Variants in TBC1D2B observed in about 807,000 individuals in gnomAD.
TBC1D2B encodes the protein TBC1 domain family, member 2B.
A neutral mutation model predicts 100.8 loss-of-function variants in TBC1D2B; 64 were observed. The observed-to-expected ratio is 0.64, with a 90% CI of 0.52 to 0.78. The LOEUF is 0.78. TBC1D2B is among the 30% of genes least tolerant of loss of function. TBC1D2B has a pLI of 0.00. For missense variants in TBC1D2B, 1,052 were observed against 1,218.4 expected (o/e 0.86, Z 2.03); for synonymous variants, 480 against 479.7 (o/e 1.00, Z -0.01).
chr15:78,041,968 G>C (rs191999291), intron 3 of TBC1D2B, among the ~76,000 whole-genome samples: 1 of 152,300 alleles, frequency 6.6e-6, no homozygotes, highest in African/African-American at 2.4e-5. Context: ...GAGAAACGGA[G>C]GCACAGAATA....
chr15:78,038,899 T>C (rs765026871), intron 3 of TBC1D2B, among the ~76,000 whole-genome samples: 4 of 152,054 alleles, frequency 2.6e-5, no homozygotes, highest in Non-Finnish European at 5.9e-5. Context: ...CCTGGGAGCA[T>C]GTGAATGGAT....
At chr15:78,029,458 T>C (rs1030553441) in intron 4 of TBC1D2B, among the ~76,000 whole-genome samples, 4 of 152,242 alleles carry the variant, frequency 2.6e-5, no homozygotes, top group African/African-American at 7.2e-5. Flanking sequence ...TAAGGATTTA[T>C]TGTAACTATA....
At chr15:78,031,572 A>AAAAAAAAG (rs1177166209) in intron 3 of TBC1D2B, among the ~76,000 whole-genome samples, 1 of 150,350 alleles carries the variant, frequency 6.7e-6, no homozygotes, top group Non-Finnish European at 1.5e-5. Context: ...AAAAAAAAAA[A>AAAAAAAAG]AAAGAGAGAG....
At chr15:78,062,739 C>A (rs2073574155) in intron 1 of TBC1D2B, among the ~76,000 whole-genome samples, 1 of 152,140 alleles carries the variant, frequency 6.6e-6, no homozygotes, top group South Asian at 2.1e-4. Context: ...ATAGACTCTT[C>A]CATAATATAT....
intron 6 of TBC1D2B, among the ~76,000 whole-genome samples, chr15:78,021,677 G>A (rs1218570445): frequency 6.6e-6 from 1 of 152,212 alleles, no homozygotes; most frequent in Non-Finnish European, 1.5e-5. Flanking sequence ...TTCATCGTCT[G>A]TCGCCACATC....
chr15:78,026,151 G>GTTT (rs34676496), intron 4 of TBC1D2B, among the ~76,000 whole-genome samples: 1 of 145,528 alleles, frequency 6.9e-6, no homozygotes, highest in Non-Finnish European at 1.5e-5. Context: ...GGTTTTTGTT[G>GTTT]TTTTTTTTTT....
chr15:78,028,042 C>T (rs1037057298), intron 4 of TBC1D2B, among the ~76,000 whole-genome samples: 3 of 152,232 alleles, frequency 2.0e-5, no homozygotes, highest in Non-Finnish European at 4.4e-5. Context: ...TAAGTGCTTA[C>T]TCTCGCAATA....
intron 3 of TBC1D2B, among the ~76,000 whole-genome samples, chr15:78,037,216 C>A (rs547421318): frequency 3.7e-4 from 56 of 152,254 alleles, no homozygotes; most frequent in African/African-American, 1.1e-3. Context: ...TCTATCCTCA[C>A]CCCCTTAGCA....
At chr15:78,003,719 A>C in intron 10 of TBC1D2B, 2 of 481,956 alleles carry the variant, frequency 4.1e-6, no homozygotes, top group Non-Finnish European at 7.5e-6. Flanking sequence ...CATGCTTTCC[A>C]CAGGGCATGG....
chr15:78,069,337 CA>C (rs1162898717), intron 1 of TBC1D2B, among the ~76,000 whole-genome samples: 2 of 152,178 alleles, frequency 1.3e-5, no homozygotes, highest in Non-Finnish European at 2.9e-5. Context: ...ACACACCTGC[CA>C]AAGCGAGCTT....
chr15:78,020,638 C>T (rs570444579), intron 6 of TBC1D2B, among the ~76,000 whole-genome samples: 1 of 152,320 alleles, frequency 6.6e-6, no homozygotes, highest in East Asian at 1.9e-4. Context: ...TGAATCCAAC[C>T]TGGGCTGGCT....
chr15:78,037,599 C>T (rs185082152), intron 3 of TBC1D2B, among the ~76,000 whole-genome samples: 5 of 151,764 alleles, frequency 3.3e-5, no homozygotes, highest in Admixed American at 3.3e-4. Context: ...ATCCTCAGCC[C>T]CATCCCATAG....
chr15:78,020,591 C>T (rs931589604), intron 6 of TBC1D2B, among the ~76,000 whole-genome samples: 2 of 152,208 alleles, frequency 1.3e-5, no homozygotes, highest in African/African-American at 4.8e-5. Context: ...ATGAATTCAC[C>T]TGGCCAAGTC....
At chr15:78,005,651 T>C (rs1337706564) in intron 10 of TBC1D2B, among the ~76,000 whole-genome samples, 1 of 152,210 alleles carries the variant, frequency 6.6e-6, no homozygotes, top group Non-Finnish European at 1.5e-5. Flanking sequence ...GGATACACTG[T>C]GCTCTCAATT....
At chr15:78,032,270 C>T (rs912306050) in intron 3 of TBC1D2B, among the ~76,000 whole-genome samples, 1 of 152,144 alleles carries the variant, frequency 6.6e-6, no homozygotes, top group Non-Finnish European at 1.5e-5. Context: ...AGAAAGATTA[C>T]TGAGAAAGGC....
At chr15:78,060,238 C>T (rs1413790804) in intron 1 of TBC1D2B, among the ~76,000 whole-genome samples, 1 of 152,208 alleles carries the variant, frequency 6.6e-6, no homozygotes, top group Non-Finnish European at 1.5e-5. Context: ...TTAATTCCTA[C>T]CTCTGAGATA....
intron 1 of TBC1D2B, among the ~76,000 whole-genome samples, chr15:78,064,373 C>T (rs767711150): frequency 2.0e-5 from 3 of 152,096 alleles, no homozygotes; most frequent in African/African-American, 7.2e-5. Context: ...CCAACAATCA[C>T]GAAGGAGCCA....
intron 6 of TBC1D2B, among the ~76,000 whole-genome samples, chr15:78,022,636 C>A (rs1339691799): frequency 6.6e-6 from 1 of 152,078 alleles, no homozygotes; most frequent in East Asian, 1.9e-4. Flanking sequence ...CCTTGCTCTG[C>A]TTTCCAGGGC....
intron 4 of TBC1D2B, 53 bp from the exon 5 acceptor site, chr15:78,025,550 G>T: frequency 7.5e-7 from 1 of 1,342,156 alleles, no homozygotes; most frequent in African/African-American, 1.5e-5. Flanking sequence ...TTTTTGAGAC[G>T]GAGTGTCGGT....
Sources: allele counts gnomAD v4.1 joint callset (sites outside exome capture counted in the v4.1 genomes callset), GRCh38; gene constraint gnomAD v4.1.1; transcripts MANE v1.5; gene names NCBI Gene and HGNC (gene_info 2026-07-23, HGNC 2026-07-21).